Variants in TMEM65 observed in about 807,000 individuals in gnomAD.
TMEM65 encodes the protein transmembrane protein 65.
In TMEM65, 22 loss-of-function variants were observed where a neutral mutation model predicts 25.4. The ratio of observed to expected loss-of-function variants is 0.86; its 90% CI spans 0.62 to 1.23. The LOEUF is 1.23. Ranked by LOEUF, TMEM65 falls within the 50% of genes most tolerant of loss-of-function variation. TMEM65 has a pLI of 0.00. For synonymous variants in TMEM65, 132 were observed against 126.2 expected, an observed-to-expected ratio of 1.05 and a Z score of -0.31; for missense variants, 262 against 308.2, an observed-to-expected ratio of 0.85 and a Z score of 1.12.
At chr8:124,326,930 G>C (rs1814372357) in intron 3 of TMEM65, among the ~76,000 whole-genome samples, 2 of 151,964 alleles carry the variant, frequency 1.3e-5, no homozygotes, top group African/African-American at 4.8e-5. Flanking sequence ...CTGAAGGCTA[G>C]ACTATGTATC....
intron 1 of TMEM65, among the ~76,000 whole-genome samples, chr8:124,356,096 G>A (rs947183839): frequency 3.9e-5 from 6 of 152,230 alleles, no homozygotes; most frequent in African/African-American, 1.4e-4. Context: ...CAATCTCTAC[G>A]AGTCAATCCT....
rs6990592 is a variant in TMEM65, at chr8:124,317,255, G to C, written c.621+2831C>G. Among the ~76,000 whole-genome samples the C allele has an allele frequency of 3.6e-3, 550 of 151,668 alleles. 3 individuals carry two copies. Among genetic ancestry groups the C allele is most frequent in the African/African-American group, 0.013 (534 of 41,318 alleles). ...ATTTTATTCTTCTTCTTCACCTCCCGTTAGTGTTTCAATTCATTGTCATTT... is the reference window on the plus strand; with the variant it reads ...ATTTTATTCTTCTTCTTCACCTCCCCTTAGTGTTTCAATTCATTGTCATTT... On this transcript the variant is annotated intron_variant, in intron 6 of 6. Coordinates refer to ENST00000297632, the MANE Select transcript of TMEM65 (RefSeq NM_194291.3).
chr8:124,342,779 T>A (rs539619219), intron 1 of TMEM65, among the ~76,000 whole-genome samples: 1 of 152,120 alleles, frequency 6.6e-6, no homozygotes, highest in African/African-American at 2.4e-5. Context: ...GCTAAAGTGG[T>A]TTATAACTAA....
At chr8:124,317,742 T>A (rs1233861476) in intron 6 of TMEM65, among the ~76,000 whole-genome samples, 1 of 152,180 alleles carries the variant, frequency 6.6e-6, no homozygotes, top group Admixed American at 6.6e-5. Context: ...GTGTTACTCC[T>A]GTGATTATAT....
chr8:124,320,683 A>C (rs1331519425), intron 5 of TMEM65, among the ~76,000 whole-genome samples: 1 of 152,190 alleles, frequency 6.6e-6, no homozygotes, highest in Non-Finnish European at 1.5e-5. Flanking sequence ...CTGTCAGGCC[A>C]ATCTCAAGTA....
Position 124,335,384 on chromosome 8 carries a change from G to A in TMEM65, c.305-4592C>T, listed in dbSNP as rs77611479. 6.7e-3 allele frequency among the ~76,000 whole-genome samples: 1,013 copies of A among 152,224 alleles called. 9 individuals carry two copies. The highest frequency in any genetic ancestry group is 0.022 in the African/African-American group (896 of 41,564). On this transcript the variant is annotated intron_variant, in intron 1 of 6. Coordinates refer to ENST00000297632, the MANE Select transcript of TMEM65 (RefSeq NM_194291.3). Reference sequence around the variant, plus strand: ...TTCTTTAGTCTGAAGGGAAATAGCAGTTGAAAAGTAAATTCTTGAGGAAGG... The same window carrying A: ...TTCTTTAGTCTGAAGGGAAATAGCAATTGAAAAGTAAATTCTTGAGGAAGG...
chr8:124,361,957 C>G (rs1258563790), intron 1 of TMEM65, among the ~76,000 whole-genome samples: 1 of 151,976 alleles, frequency 6.6e-6, no homozygotes, highest in Non-Finnish European at 1.5e-5. Context: ...ACGACAGGAT[C>G]TCGGCTCACT....
At chr8:124,317,898 CG>C (rs1371454198) in intron 6 of TMEM65, among the ~76,000 whole-genome samples, 1 of 152,040 alleles carries the variant, frequency 6.6e-6, no homozygotes, top group African/African-American at 2.4e-5. Flanking sequence ...ACCCGTAGAT[CG>C]GGGTGTCCAA....
intron 6 of TMEM65, among the ~76,000 whole-genome samples, chr8:124,315,964 A>G (rs892637041): frequency 6.6e-6 from 1 of 152,136 alleles, no homozygotes; most frequent in Admixed American, 6.6e-5. Context: ...ACTTTCCCAT[A>G]TACAGAAAAT....
chr8:124,327,660 TTC>T (rs1814381879), intron 2 of TMEM65, among the ~76,000 whole-genome samples: 1 of 138,240 alleles, frequency 7.2e-6, no homozygotes, highest in Non-Finnish European at 1.6e-5. Context: ...CTTTTGTGTT[TTC>T]TTACTGGTAA....
intron 1 of TMEM65, among the ~76,000 whole-genome samples, chr8:124,352,449 C>T (rs540838806): frequency 1.5e-4 from 22 of 149,018 alleles, no homozygotes; most frequent in African/African-American, 5.4e-4. Context: ...CAAATGTTTT[C>T]CACTTAAATT....
intron 1 of TMEM65, among the ~76,000 whole-genome samples, chr8:124,362,542 G>C (rs1814881154): frequency 6.6e-6 from 1 of 151,028 alleles, no homozygotes; most frequent in African/African-American, 2.4e-5. Flanking sequence ...TACGCCTGTA[G>C]TACCAGCTAC....
intron 1 of TMEM65, among the ~76,000 whole-genome samples, chr8:124,370,526 T>C (rs970560913): frequency 1.3e-5 from 2 of 152,222 alleles, no homozygotes; most frequent in African/African-American, 2.4e-5. Flanking sequence ...TGATTACACA[T>C]TGAATAACGG....
rs949431718 is a variant in TMEM65 at position 124,351,135 on chromosome 8, A to T, written c.305-20343T>A. ...ATCTGCATGCTAAAAGATATTTTAA[A>T]ATCAAAATATATGCATGCAACAAAA... On this transcript the variant is annotated intron_variant, in intron 1 of 6. Coordinates refer to ENST00000297632, the MANE Select transcript of TMEM65 (RefSeq NM_194291.3). 1.8e-5 allele frequency: 18 copies of T among 983,164 alleles called. No individual in the cohort carries two copies. In the Admixed American group the frequency reaches 2.5e-4, roughly 13 times the overall value. The allele number at this position is 983,164 out of a possible 1,614,324, so 60.9% of individuals were successfully genotyped here. A position where few individuals can be genotyped will look rare whatever the true frequency, so the allele number is the denominator to read the frequency against.
intron 5 of TMEM65, among the ~76,000 whole-genome samples, chr8:124,321,582 T>C (rs1196178704): frequency 6.6e-6 from 1 of 152,096 alleles, no homozygotes; most frequent in Admixed American, 6.6e-5. Context: ...CCATATATGC[T>C]TTGGCCATTA....
chr8:124,339,320 G>A (rs1814557949), intron 1 of TMEM65, among the ~76,000 whole-genome samples: 1 of 142,734 alleles, frequency 7.0e-6, no homozygotes, highest in Non-Finnish European at 1.5e-5. Context: ...ATTACAGGCT[G>A]CAAACTGCTC....
At chr8:124,371,815 T>C in intron 1 of TMEM65, 39 bp downstream of exon 1, 1 of 1,485,220 alleles carries the variant, frequency 6.7e-7, no homozygotes. Context: ...GAGGAGGGCG[T>C]CGGGGCCCCC....
chr8:124,323,245 C>A, intron 4 of TMEM65, 76 bp downstream of exon 4: 1 of 769,908 alleles, frequency 1.3e-6, no homozygotes, highest in Non-Finnish European at 2.1e-6. Flanking sequence ...AAATAAATTA[C>A]CCTCCTCTAA....
chr8:124,368,414 C>T (rs1814968855), intron 1 of TMEM65, among the ~76,000 whole-genome samples: 1 of 151,692 alleles, frequency 6.6e-6, no homozygotes, highest in Non-Finnish European at 1.5e-5. Context: ...CAAAGATGTA[C>T]CCCCGATGAT....
Sources: gnomAD v4.1 joint callset for allele counts (sites outside exome capture counted in the v4.1 genomes callset) on GRCh38, gnomAD v4.1.1 for gene constraint, MANE v1.5 for transcripts, NCBI Gene and HGNC (gene_info 2026-07-23, HGNC 2026-07-21) for gene names.